AJAP1: variants seen among roughly 807,000 people sequenced by gnomAD.
The protein encoded by AJAP1 is adherens junctions associated protein 1, also known as adherens junction-associated protein 1.
In AJAP1, 5 loss-of-function variants were observed where a neutral mutation model predicts 35.0. The observed-to-expected ratio is 0.14, with a 90% CI of 0.07 to 0.30. The LOEUF (loss-of-function observed/expected upper bound fraction) is 0.30. Ranked by LOEUF, AJAP1 falls within the 10% of genes least tolerant of loss-of-function variation. The pLI is 1.00. For missense variants in AJAP1, 586 were observed against 571.0 expected (o/e 1.03, Z -0.27); for synonymous variants, 284 against 249.3 (o/e 1.14, Z -1.31).
At chr1:4,766,980 G>A (rs7548728) in intron 2 of AJAP1, among the ~76,000 whole-genome samples, 34,488 of 152,028 alleles carry the variant, frequency 0.23, 4,304 homozygotes, top group Middle Eastern at 0.33. Context: ...GTTGTATTGC[G>A]TGTGTGTGAC....
At chr1:4,702,514 C>A (rs903467649) in intron 1 of AJAP1, among the ~76,000 whole-genome samples, 1 of 152,238 alleles carries the variant, frequency 6.6e-6, no homozygotes, top group African/African-American at 2.4e-5. Flanking sequence ...TGGAACCCTT[C>A]GTGAAGGTTC....
Position 4,693,170 on chromosome 1 carries a change from C to T in AJAP1, c.30-18730C>T, listed in dbSNP as rs900919528. Among the ~76,000 whole-genome samples, 65 of 152,032 alleles carry T rather than the reference C, an allele frequency of 4.3e-4. No homozygotes were observed. Among genetic ancestry groups the T allele is most frequent in the Non-Finnish European group, 8.7e-4 (59 of 68,014 alleles). Reference sequence around the variant, plus strand: ...AGAAACCGAGGAAACCTTGGAGAAGCCCCCATGAAGGCCCCATGCTGCCCA... The same window carrying T: ...AGAAACCGAGGAAACCTTGGAGAAGTCCCCATGAAGGCCCCATGCTGCCCA... On this transcript the variant is annotated intron_variant, in intron 1 of 5. Transcript: ENST00000378191. The surrounding 1 kb of genome is among the most constrained non-coding windows in gnomAD (Gnocchi z 4.4).
intron 5 of AJAP1, among the ~76,000 whole-genome samples, chr1:4,780,633 C>T (rs1355192998): frequency 7.6e-6 from 1 of 131,456 alleles, no homozygotes; most frequent in Non-Finnish European, 1.6e-5. Flanking sequence ...TTCTTTCTTT[C>T]TTTTTTTTTT....
At chr1:4,715,578 C>T (rs772609017) in intron 2 of AJAP1, among the ~76,000 whole-genome samples, 8 of 152,018 alleles carry the variant, frequency 5.3e-5, no homozygotes, top group African/African-American at 1.2e-4. Context: ...CTAGCTACTA[C>T]GGAGGTTGAG....
chr1:4,760,747 T>C (rs1158251437), intron 2 of AJAP1, among the ~76,000 whole-genome samples: 1 of 152,222 alleles, frequency 6.6e-6, no homozygotes, highest in African/African-American at 2.4e-5. Flanking sequence ...AGCGTTTCTG[T>C]TTGCCACAAG....
At chr1:4,745,928 A>G (rs1641176534) in intron 2 of AJAP1, among the ~76,000 whole-genome samples, 6 of 152,184 alleles carry the variant, frequency 3.9e-5, no homozygotes, top group Admixed American at 1.3e-4. Context: ...AAACTGCACT[A>G]GTGTCTCAGC....
chr1:4,766,928 G>T (rs965563937), intron 2 of AJAP1, among the ~76,000 whole-genome samples: 3 of 152,090 alleles, frequency 2.0e-5, no homozygotes, highest in Admixed American at 6.6e-5. Context: ...AGGTGTGAAG[G>T]CTTAGCTAGG....
chr1:4,761,516 C>T (rs140847968), intron 2 of AJAP1, among the ~76,000 whole-genome samples: 44 of 152,372 alleles, frequency 2.9e-4, no homozygotes, highest in African/African-American at 1.1e-3. Context: ...GACCATGATG[C>T]CATGGCCATT....
At chr1:4,683,095 A>G (rs1639525133) in intron 1 of AJAP1, among the ~76,000 whole-genome samples, 1 of 152,224 alleles carries the variant, frequency 6.6e-6, no homozygotes, top group South Asian at 2.1e-4. Flanking sequence ...CAAGAGTCAG[A>G]TGGTGGGGGT....
At chr1:4,674,933 G>A (rs138281410) in intron 1 of AJAP1, among the ~76,000 whole-genome samples, 33 of 152,380 alleles carry the variant, frequency 2.2e-4, no homozygotes, top group African/African-American at 5.5e-4. Flanking sequence ...TGCACAGGGC[G>A]TGAGTCACGT....
intron 2 of AJAP1, among the ~76,000 whole-genome samples, chr1:4,751,792 A>G (rs747094425): frequency 3.3e-5 from 5 of 152,234 alleles, no homozygotes; most frequent in Non-Finnish European, 5.9e-5. Context: ...CGCTCTCTGC[A>G]AGGTGCGTTT....
intron 1 of AJAP1, among the ~76,000 whole-genome samples, chr1:4,696,180 C>G (rs1399030330): frequency 6.6e-6 from 1 of 152,106 alleles, no homozygotes; most frequent in Non-Finnish European, 1.5e-5. Context: ...GCTCCCTGGC[C>G]CAGGCAGTGC....
intron 2 of AJAP1, among the ~76,000 whole-genome samples, chr1:4,742,797 G>A (rs201193117): frequency 6.6e-6 from 1 of 152,162 alleles, no homozygotes; most frequent in East Asian, 1.9e-4. Context: ...TTTAGGGTTA[G>A]TACTTTTACT....
chr1:4,718,137 T>G (rs1417012491), intron 2 of AJAP1, among the ~76,000 whole-genome samples: 1 of 152,120 alleles, frequency 6.6e-6, no homozygotes, highest in Non-Finnish European at 1.5e-5. Flanking sequence ...GCCGTGGTTC[T>G]GGGTGGTGGC....
chr1:4,772,343 G>A lies in AJAP1; in HGVS notation c.981G>A (p.Glu327=). The A allele has an allele frequency of 6.2e-7, 1 of 1,614,226 alleles. No individual in the cohort carries two copies. Among genetic ancestry groups the A allele is most frequent in the Non-Finnish European group, 8.5e-7 (1 of 1,180,042 alleles). The change falls in exon 4 of 6, where the codon GAG becomes GAA. Residue 327 remains glutamate, a synonymous_variant. Transcript: ENST00000378191. ...SHQRKTNQQE[E]SCQNLTDFPS... is the part of the protein sequence containing the mutation. The stretch of plus-strand genomic sequence containing the variant: ...AGCGGAAGACCAACCAGCAGGAGGA[G>A]AGCTGCCAGAACCTCACGGACTTCC...
chr1:4,762,083 GATAAAGACA>G (rs1299906558), intron 2 of AJAP1, among the ~76,000 whole-genome samples: 1 of 152,210 alleles, frequency 6.6e-6, no homozygotes, highest in Non-Finnish European at 1.5e-5. Flanking sequence ...ATAATCTTCA[GATAAAGACA>G]ATAACAAGGT....
chr1:4,779,932 G>A (rs1328258805), intron 5 of AJAP1, among the ~76,000 whole-genome samples: 1 of 152,024 alleles, frequency 6.6e-6, no homozygotes, highest in Non-Finnish European at 1.5e-5. Flanking sequence ...ATCACCTGAA[G>A]TCAGGAGTTT....
At position 4,764,243 on chromosome 1, in the gene AJAP1, T is replaced by G. The variant is rs528970149; in HGVS notation, c.830-5610T>G. ...AATACATTCACCCCTTGGAAGACTCTGCGGGGTCACTCAGAAAACAGCACA... is the reference window on the plus strand; with the variant it reads ...AATACATTCACCCCTTGGAAGACTCGGCGGGGTCACTCAGAAAACAGCACA... On this transcript the variant is annotated intron_variant, in intron 2 of 5. Transcript: ENST00000378191. Among the ~76,000 whole-genome samples, 13 of 152,340 alleles carry G rather than the reference T, an allele frequency of 8.5e-5. No homozygotes were observed. In the East Asian group the frequency reaches 2.5e-3, roughly 29 times the overall value.
intron 5 of AJAP1, among the ~76,000 whole-genome samples, chr1:4,779,510 C>T (rs765384713): frequency 7.2e-5 from 11 of 151,964 alleles, no homozygotes; most frequent in Non-Finnish European, 1.6e-4. Context: ...GCCAGACAGA[C>T]GCAATGGTTG....
Sources: gnomAD v4.1 joint callset for allele counts (sites outside exome capture counted in the v4.1 genomes callset) on GRCh38, gnomAD v4.1.1 for gene constraint, Gnocchi (gnomAD v3.1) non-coding constraint, MANE v1.5 for transcripts, NCBI Gene and HGNC (gene_info 2026-07-23, HGNC 2026-07-21) for gene names.